DIPK2B: variants seen among roughly 807,000 people sequenced by gnomAD.
The protein encoded by DIPK2B is divergent protein kinase domain 2B, also known as UPF0672 protein CXorf36.
A neutral mutation model predicts 22.2 loss-of-function variants in DIPK2B; 15 were observed. The ratio of observed to expected loss-of-function variants is 0.68; its 90% CI spans 0.45 to 1.04. The LOEUF (loss-of-function observed/expected upper bound fraction) is 1.04, where lower values mean the gene tolerates loss of function less well. Ranked by LOEUF, DIPK2B falls within the 50% of genes least tolerant of loss-of-function variation. The pLI, the probability that DIPK2B is intolerant of heterozygous loss-of-function variation, is 0.00. For missense variants in DIPK2B, 345 were observed against 348.3 expected (o/e 0.99, Z 0.08); for synonymous variants, 163 against 153.2 (o/e 1.06, Z -0.47).
At chrX:45,164,281 G>A (rs748573448) in intron 2 of DIPK2B, 1 of 1,181,741 alleles carries the variant, frequency 8.5e-7, no homozygotes, top group Non-Finnish European at 1.1e-6. Context: ...TTAAAAAAAG[G>A]CTTCAAAAGA....
At chrX:45,188,004 A>T (rs2047192955) in intron 2 of DIPK2B, among the ~76,000 whole-genome samples, 1 of 111,575 alleles carries the variant, frequency 9.0e-6, no homozygotes, top group African/African-American at 3.3e-5. Context: ...GAATCCCAGG[A>T]TACTGGCCTG....
intron 2 of DIPK2B, among the ~76,000 whole-genome samples, chrX:45,160,455 C>A (rs2047017190): frequency 9.0e-6 from 1 of 111,260 alleles, no homozygotes; most frequent in Non-Finnish European, 1.9e-5. Context: ...GGTGAACCAC[C>A]CACCTCAGCC....
In DIPK2B at chrX:45,154,196, G is replaced by T. The variant is rs772559708; in HGVS notation, c.675C>A (p.Ile225=). 3.4e-6 allele frequency: 4 copies of T among 1,191,186 alleles called. No individual in the cohort carries two copies. Among genetic ancestry groups the T allele is most frequent in the Non-Finnish European group, 4.5e-6 (4 of 886,743 alleles). ...AVNSHPILLQ[I]FPGAEGWPLP... ...GCGGCCATCCCTCAGCCCCAGGGAA[G>T]ATCTGCCAAGCCAGAAGGAGGAGGA... The change falls in exon 4 of 5, where the codon ATC becomes ATA. Residue 225 remains isoleucine, a splice_region_variant and synonymous_variant. Coordinates refer to ENST00000398000, the MANE Select transcript of DIPK2B (RefSeq NM_176819.4).
rs763231654 is a variant in DIPK2B at position 45,173,257 on chromosome X, C to T, written c.499-15369G>A. On this transcript the variant is annotated intron_variant, in intron 2 of 4. Transcript: ENST00000398000. ...TGACTTTTTCTTCAACTAGACTGAGCTAGCTCACTGGAGCCTAACTGCCCT... is the reference window on the plus strand; with the variant it reads ...TGACTTTTTCTTCAACTAGACTGAGTTAGCTCACTGGAGCCTAACTGCCCT... 3.6e-5 allele frequency among the ~76,000 whole-genome samples: 4 copies of T among 111,786 alleles called. No individual in the cohort carries two copies. The South Asian group carries it at 1.5e-3, about 42-fold the overall frequency.
chrX:45,168,111 A>G (rs2047059159), intron 2 of DIPK2B, among the ~76,000 whole-genome samples: 1 of 112,835 alleles, frequency 8.9e-6, no homozygotes, highest in African/African-American at 3.2e-5. Flanking sequence ...AGGAGGGAGG[A>G]AAATCTAAGT....
chrX:45,173,918 A>T (rs1052262424), intron 2 of DIPK2B, among the ~76,000 whole-genome samples: 2 of 110,600 alleles, frequency 1.8e-5, no homozygotes, highest in Admixed American at 9.6e-5. Context: ...CCCCCTCTTC[A>T]CTGCCCTCAT....
chrX:45,176,899 C>T (rs189782606), intron 2 of DIPK2B, among the ~76,000 whole-genome samples: 2 of 111,578 alleles, frequency 1.8e-5, no homozygotes, highest in East Asian at 2.8e-4. Context: ...ATCATTGTGC[C>T]ACCAACCCTT....
At chrX:45,188,666 C>T (rs1426915069) in intron 2 of DIPK2B, among the ~76,000 whole-genome samples, 2 of 112,064 alleles carry the variant, frequency 1.8e-5, no homozygotes, top group African/African-American at 3.2e-5. Context: ...ACTGTGCAAC[C>T]ATCACCACTA....
At chrX:45,153,477 T>TGG (rs1291862815) in intron 4 of DIPK2B, among the ~76,000 whole-genome samples, 4 of 73,380 alleles carry the variant, frequency 5.5e-5, no homozygotes, top group Non-Finnish European at 9.2e-5. Flanking sequence ...AAAAGTTTTG[T>TGG]GTGTGTGTGT....
intron 2 of DIPK2B, among the ~76,000 whole-genome samples, chrX:45,170,593 C>T (rs752995760): frequency 1.8e-5 from 2 of 112,377 alleles, no homozygotes; most frequent in African/African-American, 3.2e-5. Flanking sequence ...GTCTTGCTCA[C>T]CTCTGTGTCC....
rs1053151423 is a variant in DIPK2B at position 45,149,406 on chromosome X, C to T, written c.*2246G>A. Reference sequence around the variant, plus strand: ...CCTCAAGACCAACTCAGAAGGCAGCCATTTCAAAGCGTCTCAGGCAGCCCA... The same window carrying T: ...CCTCAAGACCAACTCAGAAGGCAGCTATTTCAAAGCGTCTCAGGCAGCCCA... On this transcript the variant is annotated 3_prime_UTR_variant, in exon 5 of 5. Transcript: ENST00000398000. The T allele has an allele frequency of 1.8e-5, 2 of 112,627 alleles. No individual in the cohort carries two copies. The highest frequency in any genetic ancestry group is 6.5e-5 in the African/African-American group (2 of 30,903). 9.3% of individuals were successfully genotyped at this position (112,627 alleles called of 1,213,427 possible). A position where few individuals can be genotyped will look rare whatever the true frequency, so the allele number is the denominator to read the frequency against.
intron 2 of DIPK2B, among the ~76,000 whole-genome samples, chrX:45,170,456 A>T (rs911606175): frequency 6.3e-5 from 7 of 111,498 alleles, no homozygotes; most frequent in African/African-American, 2.3e-4. Context: ...ACTCTATGGG[A>T]GGGTGATGCT....
At chrX:45,175,286 A>C (rs868262642) in intron 2 of DIPK2B, among the ~76,000 whole-genome samples, 13 of 111,775 alleles carry the variant, frequency 1.2e-4, no homozygotes, top group African/African-American at 3.9e-4. Context: ...ATGATAATAA[A>C]AATAAAAAAT....
intron 2 of DIPK2B, among the ~76,000 whole-genome samples, chrX:45,181,828 A>G (rs762126123): frequency 1.8e-5 from 2 of 112,261 alleles, no homozygotes; most frequent in South Asian, 7.3e-4. Flanking sequence ...TAAAATATTT[A>G]AAAACTGGGC....
At position 45,154,055 on chromosome X, in the gene DIPK2B, C is replaced by A. The variant is rs2046976886; in HGVS notation, c.816G>T (p.Leu272=). 1.7e-6 allele frequency: 2 copies of A among 1,209,125 alleles called. No individual in the cohort carries two copies. Among genetic ancestry groups the A allele is most frequent in the African/African-American group, 3.5e-5 (2 of 56,857 alleles). ...DQAADLAYQL[L]GVLESLRSND... The stretch of plus-strand genomic sequence containing the variant: ...TGCTCCTCAAAGACTCCAGGACACC[C>A]AGGAGCTGGTAGGCAAGGTCGGCTG... The change falls in exon 4 of 5, where the codon CTG becomes CTT. Residue 272 remains leucine, a synonymous_variant. Transcript: ENST00000398000.
chrX:45,158,959 A>G lies in DIPK2B; in HGVS notation c.499-1071T>C, dbSNP rs959144959. Among the ~76,000 whole-genome samples the G allele has an allele frequency of 1.3e-4, 15 of 111,606 alleles. No homozygotes were observed. The East Asian group carries it at 4.2e-3, about 31-fold the overall frequency. ...AAATTGGATTCAGGATTTGAACCCA[A>G]TGGGTTAGACTCTAATATCTGTGCC... On this transcript the variant is annotated intron_variant, in intron 2 of 4. Coordinates refer to ENST00000398000, the MANE Select transcript of DIPK2B (RefSeq NM_176819.4).
At chrX:45,175,061 T>G (rs964121829) in intron 2 of DIPK2B, among the ~76,000 whole-genome samples, 2 of 111,717 alleles carry the variant, frequency 1.8e-5, no homozygotes, top group African/African-American at 6.5e-5. Context: ...GCAACGTATA[T>G]AAATCTCTCT....
intron 2 of DIPK2B, among the ~76,000 whole-genome samples, chrX:45,187,143 C>T (rs2047187479): frequency 8.9e-6 from 1 of 112,009 alleles, no homozygotes; most frequent in Non-Finnish European, 1.9e-5. Flanking sequence ...GAGGAACACA[C>T]TGCTTAGAAC....
chrX:45,196,811 T>C (rs766004403), intron 1 of DIPK2B, among the ~76,000 whole-genome samples: 1 of 112,052 alleles, frequency 8.9e-6, no homozygotes, highest in African/African-American at 3.2e-5. Flanking sequence ...AAGAAGAGTA[T>C]GGCAATCAGA....
Sources: allele counts gnomAD v4.1 joint callset (sites outside exome capture counted in the v4.1 genomes callset), GRCh38; gene constraint gnomAD v4.1.1; transcripts MANE v1.5; gene names NCBI Gene and HGNC (gene_info 2026-07-23, HGNC 2026-07-21).